The following OPCML variants were observed in gnomAD, a reference collection of about 807,000 sequenced individuals.
OPCML encodes opioid-binding protein/cell adhesion molecule.
OPCML carries 13 observed loss-of-function variants against 37.8 expected under a neutral mutation model. The ratio of observed to expected loss-of-function variants is 0.34; its 90% CI spans 0.22 to 0.55. The LOEUF is 0.55. OPCML is among the 20% of genes least tolerant of loss of function. OPCML has a pLI of 0.91. For synonymous variants in OPCML, 176 were observed against 168.8 expected (o/e 1.04, Z -0.33); for missense variants, 341 against 435.6 (o/e 0.78, Z 1.93).
intron 1 of OPCML, among the ~76,000 whole-genome samples, chr11:133,077,019 G>A (rs1174080955): frequency 6.6e-6 from 1 of 152,090 alleles, no homozygotes; most frequent in Non-Finnish European, 1.5e-5. Flanking sequence ...CCCCCATCTA[G>A]ACTACCTACT....
intron 1 of OPCML, among the ~76,000 whole-genome samples, chr11:133,140,531 T>TAATAAGAAG (rs1272061685): frequency 0.014 from 1,251 of 88,044 alleles, 14 homozygotes; most frequent in Middle Eastern, 0.041. Flanking sequence ...ATAATAATAA[T>TAATAAGAAG]AAGAAGAAGA....
chr11:132,841,638 T>C lies in OPCML; in HGVS notation c.146+101288A>G, dbSNP rs539530333. 8.6e-5 allele frequency among the ~76,000 whole-genome samples: 13 copies of C among 151,916 alleles called. No individual in the cohort carries two copies. The South Asian group carries it at 2.7e-3, about 32-fold the overall frequency. ...GTGGCTCACACCTGTAATCCCAGCA[T>C]GTTGGGAGGTCAAGGAGTTCGAGAC... On this transcript the variant is annotated intron_variant, in intron 2 of 7. Coordinates refer to ENST00000524381, the MANE Select transcript of OPCML (RefSeq NM_001012393.5).
chr11:132,567,326 A>G (rs1039438305), intron 3 of OPCML, among the ~76,000 whole-genome samples: 22 of 152,326 alleles, frequency 1.4e-4, no homozygotes, highest in Admixed American at 7.2e-4. Flanking sequence ...TATTGGTCTA[A>G]CCCAGATCAG....
At chr11:133,017,616 C>T (rs976740742) in intron 1 of OPCML, among the ~76,000 whole-genome samples, 2 of 152,072 alleles carry the variant, frequency 1.3e-5, no homozygotes, top group African/African-American at 2.4e-5. Context: ...CTCGAACTCC[C>T]GATCTCAGGT....
At chr11:132,490,925 C>T (rs935304131) in intron 4 of OPCML, among the ~76,000 whole-genome samples, 2 of 152,128 alleles carry the variant, frequency 1.3e-5, no homozygotes, top group African/African-American at 4.8e-5. Flanking sequence ...CTACAAACTG[C>T]CCTCTGTTTC....
chr11:133,101,467 T>C (rs1205596099), intron 1 of OPCML, among the ~76,000 whole-genome samples: 4 of 152,096 alleles, frequency 2.6e-5, no homozygotes, highest in African/African-American at 9.7e-5. Flanking sequence ...GATTTAAAAA[T>C]TGCACAGCAT....
At chr11:133,192,080 C>T (rs1938347223) in intron 1 of OPCML, among the ~76,000 whole-genome samples, 1 of 152,158 alleles carries the variant, frequency 6.6e-6, no homozygotes, top group East Asian at 1.9e-4. Flanking sequence ...AGGGTAAATG[C>T]TCAATAAATG....
At chr11:133,235,464 G>C (rs773183615) in intron 1 of OPCML, among the ~76,000 whole-genome samples, 3 of 152,174 alleles carry the variant, frequency 2.0e-5, no homozygotes, top group Non-Finnish European at 4.4e-5. Flanking sequence ...AAGAGGAGAA[G>C]GGAAGGGAAG....
At chr11:132,653,355 C>G (rs541524688) in intron 3 of OPCML, among the ~76,000 whole-genome samples, 1 of 152,272 alleles carries the variant, frequency 6.6e-6, no homozygotes, top group East Asian at 1.9e-4. Flanking sequence ...CACTGCTTAG[C>G]GGGGATGGGA....
At chr11:132,441,390 G>C (rs1044873683) in intron 4 of OPCML, among the ~76,000 whole-genome samples, 2 of 151,432 alleles carry the variant, frequency 1.3e-5, no homozygotes, top group African/African-American at 2.4e-5. Context: ...GGATGGTCTC[G>C]ATCTCCTGAC....
At chr11:133,045,065 A>G (rs1442501197) in intron 1 of OPCML, among the ~76,000 whole-genome samples, 1 of 152,164 alleles carries the variant, frequency 6.6e-6, no homozygotes, top group Non-Finnish European at 1.5e-5. Flanking sequence ...ACTGTCCTAG[A>G]GCTGGTTCAA....
Position 132,705,466 on chromosome 11 carries a change from G to A in OPCML, c.147-48147C>T, listed in dbSNP as rs1212861637. On this transcript the variant is annotated intron_variant, in intron 2 of 7. Transcript: ENST00000524381. ...AATTCAGCTGGGTGTGGTGTCATGT[G>A]CCTGTAGTCCCAGCTACTAAGGTGG... Among the ~76,000 whole-genome samples, 4 of 151,934 alleles carry A rather than the reference G, an allele frequency of 2.6e-5. No homozygotes were observed. The East Asian group carries it at 7.8e-4, about 30-fold the overall frequency.
chr11:132,849,528 T>C (rs184248449), intron 2 of OPCML, among the ~76,000 whole-genome samples: 11 of 152,310 alleles, frequency 7.2e-5, no homozygotes, highest in Admixed American at 6.5e-4. Flanking sequence ...TGCTAAGTGC[T>C]ATGGAGACAA....
chr11:132,554,827 A>ATAAAAAG (rs1156571923), intron 3 of OPCML, among the ~76,000 whole-genome samples: 1 of 151,356 alleles, frequency 6.6e-6, no homozygotes, highest in African/African-American at 2.4e-5. Flanking sequence ...TCCACTGAAA[A>ATAAAAAG]TAAAAAGTAA....
At chr11:132,762,752 C>T (rs577480287) in intron 2 of OPCML, among the ~76,000 whole-genome samples, 10 of 152,210 alleles carry the variant, frequency 6.6e-5, no homozygotes, top group African/African-American at 1.2e-4. Context: ...TTTTGGGCTC[C>T]GTGGGGGTGG....
At chr11:132,792,884 G>C (rs906722001) in intron 2 of OPCML, among the ~76,000 whole-genome samples, 1 of 152,204 alleles carries the variant, frequency 6.6e-6, no homozygotes, top group African/African-American at 2.4e-5. Context: ...GCCCGTGTCT[G>C]TCTAATCCCT....
intron 1 of OPCML, among the ~76,000 whole-genome samples, chr11:133,419,698 G>A (rs1428678974): frequency 6.6e-6 from 1 of 152,092 alleles, no homozygotes; most frequent in Non-Finnish European, 1.5e-5. Flanking sequence ...GCAAATCAAG[G>A]CTTGACTGTT....
intron 1 of OPCML, among the ~76,000 whole-genome samples, chr11:133,494,895 TA>T (rs1947748558): frequency 1.3e-5 from 2 of 151,954 alleles, no homozygotes; most frequent in South Asian, 4.1e-4. Context: ...TAAAATAAAA[TA>T]AAATAAAAGT....
At chr11:133,452,197 G>A (rs1300137698) in intron 1 of OPCML, among the ~76,000 whole-genome samples, 1 of 151,490 alleles carries the variant, frequency 6.6e-6, no homozygotes, top group Non-Finnish European at 1.5e-5. Context: ...GGAATCAGTA[G>A]ACAAGTATTT....
Sources: gnomAD v4.1 joint callset for allele counts (sites outside exome capture counted in the v4.1 genomes callset) on GRCh38, gnomAD v4.1.1 for gene constraint, MANE v1.5 for transcripts, NCBI Gene and HGNC (gene_info 2026-07-23, HGNC 2026-07-21) for gene names.